Variants in RYR2 observed in about 807,000 individuals in gnomAD.
RYR2 encodes the protein cardiac muscle ryanodine receptor-calcium release channel.
Under a neutral mutation model 601.1 loss-of-function variants are expected in RYR2, and 227 were observed. That is an observed-to-expected ratio of 0.38 (90% confidence interval 0.34 to 0.42). The LOEUF is 0.42. RYR2 is among the 10% of genes least tolerant of loss of function. The pLI is 1.00. For synonymous variants in RYR2, 2,223 were observed against 2,175.1 expected, an observed-to-expected ratio of 1.02 and a Z score of -0.61; for missense variants, 4,646 against 6,156.5, an observed-to-expected ratio of 0.75 and a Z score of 8.21.
chr1:237,710,187 A>G (rs1475396802), intron 70 of RYR2, among the ~76,000 whole-genome samples: 5 of 152,218 alleles, frequency 3.3e-5, no homozygotes, highest in African/African-American at 1.2e-4. Context: ...GTAGTCTATC[A>G]TTATTTCAGT....
chr1:237,821,147 G>GA (rs1352650905), intron 101 of RYR2, among the ~76,000 whole-genome samples: 1 of 152,172 alleles, frequency 6.6e-6, no homozygotes, highest in Admixed American at 6.5e-5. Context: ...GAGAGCAGCA[G>GA]ATCTCCCAGC....
At chr1:237,738,553 C>CAT (rs565156004) in intron 79 of RYR2, among the ~76,000 whole-genome samples, 228 of 151,876 alleles carry the variant, frequency 1.5e-3, no homozygotes, top group African/African-American at 5.3e-3. Context: ...GATAAATTTT[C>CAT]ATATATATAT....
intron 10 of RYR2, among the ~76,000 whole-genome samples, chr1:237,409,787 T>C (rs906542117): frequency 6.6e-6 from 1 of 152,146 alleles, no homozygotes; most frequent in Non-Finnish European, 1.5e-5. Flanking sequence ...TTTGTCCCTA[T>C]TATATTCTAC....
At position 237,593,653 on chromosome 1, in the gene RYR2, T is replaced by A. The variant is rs1372543996; in HGVS notation, c.4436+17T>A. On this transcript the variant is annotated intron_variant, in intron 33 of 104. Transcript: ENST00000366574. ...GCATGAAAGGTTAGTTTTCCTCAAT[T>A]TTTTGCAAGAATGACATGTGAAAAA... 1.9e-6 allele frequency: 3 copies of A among 1,613,182 alleles called. No homozygotes were observed. The highest frequency in any genetic ancestry group is 2.5e-6 in the Non-Finnish European group (3 of 1,179,520).
chr1:237,172,563 A>G (rs1173824979), intron 1 of RYR2, among the ~76,000 whole-genome samples: 1 of 152,210 alleles, frequency 6.6e-6, no homozygotes, highest in Non-Finnish European at 1.5e-5. Context: ...AGGTAACAGA[A>G]TAGCACACTT....
intron 12 of RYR2, among the ~76,000 whole-genome samples, chr1:237,432,685 A>C (rs903765401): frequency 6.6e-6 from 1 of 152,144 alleles, no homozygotes; most frequent in African/African-American, 2.4e-5. Context: ...ACAATGCCTG[A>C]CATCCAAGAC....
rs369484232 is a variant in RYR2 at position 237,377,414 on chromosome 1, C to T, written c.555C>T (p.Ser185=). ...TTGGAGATGACCTCATCTTAGTTAGCGTGTCCTCTGAAAGGTACTTGGTAA... is the reference window on the plus strand; with the variant it reads ...TTGGAGATGACCTCATCTTAGTTAGTGTGTCCTCTGAAAGGTACTTGGTAA... ...VRVGDDLILV[S]VSSERYLHLS... Residue 185 remains serine, a synonymous_variant, in exon 8 of 105, where the codon AGC becomes AGT. Coordinates refer to ENST00000366574, the MANE Select transcript of RYR2 (RefSeq NM_001035.3). 1.1e-5 allele frequency: 17 copies of T among 1,613,244 alleles called. No homozygotes were observed. Among genetic ancestry groups the T allele is most frequent in the East Asian group, 6.7e-5 (3 of 44,868 alleles).
At chr1:237,342,830 C>T (rs765031256) in intron 3 of RYR2, among the ~76,000 whole-genome samples, 11 of 152,126 alleles carry the variant, frequency 7.2e-5, no homozygotes, top group Non-Finnish European at 1.3e-4. Context: ...CTAATATTGC[C>T]GCGCACTGAT....
intron 25 of RYR2, among the ~76,000 whole-genome samples, chr1:237,547,577 A>G (rs1025078354): frequency 6.6e-6 from 1 of 152,228 alleles, no homozygotes. Context: ...CAGTGACAGA[A>G]GAATGGAAGA....
intron 80 of RYR2, among the ~76,000 whole-genome samples, chr1:237,745,031 G>A (rs776684901): frequency 1.3e-4 from 19 of 151,848 alleles, no homozygotes; most frequent in Non-Finnish European, 2.1e-4. Flanking sequence ...TTTATCTCCT[G>A]ACCTCATGAT....
chr1:237,489,251 A>C (rs1663053447), intron 17 of RYR2, among the ~76,000 whole-genome samples: 1 of 152,204 alleles, frequency 6.6e-6, no homozygotes, highest in African/African-American at 2.4e-5. Flanking sequence ...AAGACAGACA[A>C]GCAGCCAACA....
chr1:237,064,231 C>T (rs1388896790), intron 1 of RYR2, among the ~76,000 whole-genome samples: 1 of 152,054 alleles, frequency 6.6e-6, no homozygotes, highest in Non-Finnish European at 1.5e-5. Flanking sequence ...GACCTTTCTA[C>T]CAGTTCATAA....
chr1:237,810,076 C>A (rs1264468082), intron 100 of RYR2, among the ~76,000 whole-genome samples: 3 of 151,960 alleles, frequency 2.0e-5, no homozygotes, highest in Admixed American at 2.0e-4. Context: ...GAATTTGATG[C>A]CTTAAATAAT....
chr1:237,201,629 C>T (rs1375250572), intron 1 of RYR2, among the ~76,000 whole-genome samples: 5 of 152,176 alleles, frequency 3.3e-5, no homozygotes, highest in Non-Finnish European at 5.9e-5. Context: ...ATCCTCCCCA[C>T]CTCCTTTTAT....
At chr1:237,747,933 G>A (rs761614843) in intron 80 of RYR2, among the ~76,000 whole-genome samples, 2 of 152,108 alleles carry the variant, frequency 1.3e-5, no homozygotes, top group Non-Finnish European at 2.9e-5. Context: ...GAATCATAGA[G>A]GGGAAAGAGG....
At chr1:237,616,884 C>A (rs891292555) in intron 37 of RYR2, among the ~76,000 whole-genome samples, 13 of 152,128 alleles carry the variant, frequency 8.5e-5, no homozygotes, top group Admixed American at 6.6e-4. Context: ...GGCAAGAGGG[C>A]ATGTGCAGGG....
At chr1:237,417,855 T>C (rs915070462) in intron 11 of RYR2, among the ~76,000 whole-genome samples, 1 of 152,142 alleles carries the variant, frequency 6.6e-6, no homozygotes, top group Non-Finnish European at 1.5e-5. Context: ...GAAGCTTTAG[T>C]CCTTTGCCTA....
intron 1 of RYR2, among the ~76,000 whole-genome samples, chr1:237,239,552 C>T (rs1230898967): frequency 6.6e-6 from 1 of 152,164 alleles, no homozygotes; most frequent in African/African-American, 2.4e-5. Context: ...ATCTCCTTGC[C>T]TCCTTCTTTA....
rs149209062 is a variant in RYR2, at chr1:237,505,467, G to A, written c.2614-1243G>A. ...AATCAGATTTTTAGCTCCTCAAATC[G>A]TATTTCTTGTTCCCCCTTTTTATAT... On this transcript the variant is annotated intron_variant, in intron 22 of 104. Transcript: ENST00000366574. Among the ~76,000 whole-genome samples the A allele has an allele frequency of 2.1e-3, 322 of 152,252 alleles. 3 individuals are homozygous for A. Among genetic ancestry groups the A allele is most frequent in the African/African-American group, 7.5e-3 (310 of 41,552 alleles).
Sources: gnomAD v4.1 joint callset for allele counts (sites outside exome capture counted in the v4.1 genomes callset) on GRCh38, gnomAD v4.1.1 for gene constraint, MANE v1.5 for transcripts, NCBI Gene and HGNC (gene_info 2026-07-23, HGNC 2026-07-21) for gene names.